The following ATP2C1 variants were observed in gnomAD, a reference collection of about 807,000 sequenced individuals.
ATP2C1 encodes the protein ATPase secretory pathway Ca2+ transporting 1.
Under a neutral mutation model 120.5 loss-of-function variants are expected in ATP2C1, and 31 were observed. The observed-to-expected ratio is 0.26, with a 90% CI of 0.19 to 0.35. The LOEUF is 0.35. Ranked by LOEUF, ATP2C1 falls within the 10% of genes least tolerant of loss-of-function variation. The pLI is 1.00. For missense variants in ATP2C1, 731 were observed against 1,107.5 expected, an observed-to-expected ratio of 0.66 and a Z score of 4.83; for synonymous variants, 351 against 358.7, an observed-to-expected ratio of 0.98 and a Z score of 0.24.
At chr3:130,889,638 CTTTTTT>C (rs1170424148), upstream of ATP2C1, among the ~76,000 whole-genome samples, 10,511 of 77,938 alleles carry the variant, frequency 0.13, 453 homozygotes, top group East Asian at 0.17. Context: ...ATTCTTTAAA[CTTTTTT>C]TTTTTTTTTT....
intron 1 of ATP2C1, chr3:130,869,429 T>TAAAAAAAAAAAAAAAAA (rs762137045): frequency 9.4e-6 from 1 of 106,626 alleles, no homozygotes; most frequent in African/African-American, 3.9e-5. Flanking sequence ...CAATAAAAAA[T>TAAAAAAAAAAAAAAAAA]AAAAAAAAAA....
At chr3:130,954,470 G>C (rs1397450635) in intron 9 of ATP2C1, among the ~76,000 whole-genome samples, 1 of 152,054 alleles carries the variant, frequency 6.6e-6, no homozygotes, top group Non-Finnish European at 1.5e-5. Flanking sequence ...CAAAAAATAG[G>C]CCTCAGAATT....
At chr3:130,877,687 G>T (rs2068648901) in intron 1 of ATP2C1, among the ~76,000 whole-genome samples, 1 of 152,088 alleles carries the variant, frequency 6.6e-6, no homozygotes, top group South Asian at 2.1e-4. Flanking sequence ...TACACTGTTG[G>T]TGGGACTGTA....
At chr3:130,866,498 A>G (rs998203457) in intron 1 of ATP2C1, among the ~76,000 whole-genome samples, 1 of 152,226 alleles carries the variant, frequency 6.6e-6, no homozygotes, top group Admixed American at 6.5e-5. Flanking sequence ...ACACCTAGTC[A>G]AAGAAGCATT....
At chr3:130,900,626 A>C (rs911959113) in intron 2 of ATP2C1, among the ~76,000 whole-genome samples, 4 of 152,140 alleles carry the variant, frequency 2.6e-5, no homozygotes, top group Non-Finnish European at 5.9e-5. Flanking sequence ...CGCAAAGTAA[A>C]AATTAAAAGT....
intron 9 of ATP2C1, 24 bp from the exon 10 acceptor site, chr3:130,954,988 G>T (rs1285658605): frequency 1.3e-6 from 2 of 1,567,834 alleles, no homozygotes; most frequent in African/African-American, 1.4e-5. Context: ...GGATGTAAAT[G>T]TATTTTCCTG....
chr3:130,856,928 C>T (rs1007167932), intron 1 of ATP2C1, among the ~76,000 whole-genome samples: 6 of 152,208 alleles, frequency 3.9e-5, no homozygotes, highest in African/African-American at 1.2e-4. Context: ...TCAAGGCCAT[C>T]GCCAAGGTCT....
chr3:130,989,349 G>C (rs1479393843), intron 20 of ATP2C1, among the ~76,000 whole-genome samples: 1 of 151,682 alleles, frequency 6.6e-6, no homozygotes, highest in African/African-American at 2.4e-5. Context: ...CAGATCATCT[G>C]AGGTTGGGAG....
intron 27 of ATP2C1, 92 bp from the exon 28 acceptor site, chr3:131,001,128 G>C (rs1353002344): frequency 5.6e-6 from 2 of 359,426 alleles, no homozygotes; most frequent in African/African-American, 7.8e-5. Flanking sequence ...AAAAAAAAAA[G>C]TTGTGTTAAA....
chr3:130,954,941 A>C, intron 9 of ATP2C1, 71 bp from the exon 10 acceptor site: 1 of 1,015,742 alleles, frequency 9.8e-7, no homozygotes, highest in Admixed American at 1.7e-5. Flanking sequence ...AAGTTGTTGG[A>C]TGTGTGTGTG....
rs75927399 is a variant in ATP2C1, at chr3:130,850,987, A to T, written c.108+59A>T. The T allele has an allele frequency of 1.4e-3, 1,383 of 961,184 alleles. 20 individuals carry two copies. In the African/African-American group the frequency reaches 0.021, roughly 15 times the overall value. The allele number at this position is 961,184 out of a possible 1,614,324, so 59.5% of individuals were successfully genotyped here. ...CGGGTGCTTGTTCCTTGTTGCTTTT[A>T]CGTCGCTTAGTGATTTCATTTGTGC... On this transcript the variant is annotated intron_variant, in intron 1 of 26. Coordinates refer to the ATP2C1 transcript ENST00000504381.
chr3:130,924,741 C>G (rs990194464), intron 2 of ATP2C1, among the ~76,000 whole-genome samples: 2 of 152,158 alleles, frequency 1.3e-5, no homozygotes, highest in African/African-American at 4.8e-5. Flanking sequence ...TAGACCCAGC[C>G]TTCACGGATG....
Position 131,002,985 on chromosome 3 carries a change from T to C in ATP2C1, c.*1635T>C. The C allele has an allele frequency of 4.1e-6, 4 of 985,730 alleles. No homozygotes were observed. Among genetic ancestry groups the C allele is most frequent in the South Asian group, 9.4e-5 (2 of 21,290 alleles). The allele number at this position is 985,730 out of a possible 1,614,324, so 61.1% of individuals were successfully genotyped here. A position where few individuals can be genotyped will look rare whatever the true frequency, so the allele number is the denominator to read the frequency against. Reference sequence around the variant, plus strand: ...GTGACTTGATGTCTCATACCTTAATTTTGTAATGATTTTTATTCTCTGTTA... The same window carrying C: ...GTGACTTGATGTCTCATACCTTAATCTTGTAATGATTTTTATTCTCTGTTA... On this transcript the variant is annotated 3_prime_UTR_variant, in exon 28 of 28. Transcript: ENST00000510168.
chr3:130,923,801 G>T (rs1438712536), intron 2 of ATP2C1, among the ~76,000 whole-genome samples: 1 of 150,700 alleles, frequency 6.6e-6, no homozygotes, highest in Non-Finnish European at 1.5e-5. Context: ...AGGAGGTGAA[G>T]GTTGTAGGGA....
chr3:131,000,909 C>G (rs2062851717), intron 27 of ATP2C1, among the ~76,000 whole-genome samples: 1 of 151,742 alleles, frequency 6.6e-6, no homozygotes, highest in Non-Finnish European at 1.5e-5. Context: ...TCAAGACCAG[C>G]CTGTCCAAAA....
chr3:130,863,044 AGCTTTGTT>A (rs2068065541), intron 1 of ATP2C1, among the ~76,000 whole-genome samples: 1 of 152,176 alleles, frequency 6.6e-6, no homozygotes, highest in African/African-American at 2.4e-5. Flanking sequence ...TTGAAGCTTA[AGCTTTGTT>A]GGCTTCCAAG....
At chr3:131,001,173 C>T in intron 27 of ATP2C1, 47 bp from the exon 28 acceptor site, 1 of 1,357,488 alleles carries the variant, frequency 7.4e-7, no homozygotes, top group Non-Finnish European at 1.0e-6. Flanking sequence ...AGCTTTGCAA[C>T]TGTAAGTTTC....
At chr3:131,016,464 T>C in exon 27 of ATP2C1, 1 of 1,073,126 alleles carries the variant, frequency 9.3e-7, no homozygotes, top group Non-Finnish European at 1.3e-6. Context: ...GATGTTTTTC[T>C]CTTCTGGCTT....
chr3:130,980,721 C>G (rs1302789323), intron 20 of ATP2C1, 42 bp downstream of exon 20: 1 of 1,367,904 alleles, frequency 7.3e-7, no homozygotes, highest in Non-Finnish European at 1.0e-6. Flanking sequence ...AGGCCTTATT[C>G]TAAGTGTTAC....
Sources: allele counts gnomAD v4.1 joint callset (sites outside exome capture counted in the v4.1 genomes callset), GRCh38; gene constraint gnomAD v4.1.1; transcripts MANE v1.5; gene names NCBI Gene and HGNC (gene_info 2026-07-23, HGNC 2026-07-21).